Variants in SLC24A3 observed in about 807,000 individuals in gnomAD.
SLC24A3 encodes solute carrier family 24 member 3.
SLC24A3 carries 28 observed loss-of-function variants against 75.8 expected under a neutral mutation model. The observed-to-expected ratio is 0.37, with a 90% CI of 0.27 to 0.51. The LOEUF is 0.51. Ranked by LOEUF, SLC24A3 falls within the 20% of genes least tolerant of loss-of-function variation. The pLI is 0.94. For missense variants in SLC24A3, 663 were observed against 847.8 expected (o/e 0.78, Z 2.71); for synonymous variants, 372 against 334.1 (o/e 1.11, Z -1.24).
At chr20:19,590,378 A>T (rs986113848) in intron 6 of SLC24A3, among the ~76,000 whole-genome samples, 104 of 152,168 alleles carry the variant, frequency 6.8e-4, no homozygotes, top group Middle Eastern at 3.4e-3. Context: ...ACAAAACCCA[A>T]CACACAGCTC....
rs139710763 is a variant in SLC24A3 at position 19,640,406 on chromosome 20, A to C, written c.613-13656A>C. 5.1e-3 allele frequency among the ~76,000 whole-genome samples: 780 copies of C among 152,238 alleles called. 6 individuals are homozygous for C. The highest frequency in any genetic ancestry group is 0.016 in the African/African-American group (679 of 41,548). Reference sequence around the variant, plus strand: ...AGGGGCCAGAGATTTTTTTACTTTTATTTTATACTCAGTTGTCCTGCTTGA... The same window carrying C: ...AGGGGCCAGAGATTTTTTTACTTTTCTTTTATACTCAGTTGTCCTGCTTGA... On this transcript the variant is annotated intron_variant, in intron 6 of 16. Transcript: ENST00000328041.
intron 6 of SLC24A3, among the ~76,000 whole-genome samples, chr20:19,592,859 G>C (rs1002048470): frequency 1.4e-5 from 2 of 141,206 alleles, no homozygotes; most frequent in African/African-American, 2.6e-5. Flanking sequence ...GCAGTGGCAC[G>C]ATCTTGGCTC....
intron 2 of SLC24A3, among the ~76,000 whole-genome samples, chr20:19,325,775 TACATATATATATATATATATAG>T (rs1399152353): frequency 4.8e-5 from 3 of 61,952 alleles, no homozygotes; most frequent in Non-Finnish European, 8.3e-5. Flanking sequence ...CATATATATA[TACATATATATATATATATATAG>T]AGAGAGAGAG....
At chr20:19,688,044 C>T (rs923411065) in intron 12 of SLC24A3, among the ~76,000 whole-genome samples, 4 of 152,166 alleles carry the variant, frequency 2.6e-5, no homozygotes, top group Non-Finnish European at 5.9e-5. Flanking sequence ...TGTGGTCGTA[C>T]CATCCCGTGG....
chr20:19,291,137 G>A (rs556992939), intron 2 of SLC24A3, among the ~76,000 whole-genome samples: 1 of 152,328 alleles, frequency 6.6e-6, no homozygotes, highest in African/African-American at 2.4e-5. Context: ...GTAACAGGGC[G>A]AGGTGCCCCT....
chr20:19,697,820 G>C (rs767369493), intron 14 of SLC24A3, among the ~76,000 whole-genome samples: 3 of 152,154 alleles, frequency 2.0e-5, no homozygotes, highest in African/African-American at 7.2e-5. Context: ...GTGTGAGCTC[G>C]GGAGTCACTT....
intron 2 of SLC24A3, among the ~76,000 whole-genome samples, chr20:19,467,780 C>T (rs1163256921): frequency 4.0e-5 from 6 of 151,714 alleles, no homozygotes; most frequent in African/African-American, 1.2e-4. Flanking sequence ...ACTTGTGAAG[C>T]TGAGGAACGA....
chr20:19,362,989 G>A (rs1985819154), intron 2 of SLC24A3, among the ~76,000 whole-genome samples: 1 of 152,246 alleles, frequency 6.6e-6, no homozygotes, highest in African/African-American at 2.4e-5. Context: ...GGCTTCCCAT[G>A]TGTCGCTGGG....
Position 19,248,515 on chromosome 20 carries a change from G to A in SLC24A3, c.143-32444G>A, listed in dbSNP as rs116367317. On this transcript the variant is annotated intron_variant, in intron 1 of 16. Transcript: ENST00000328041. The stretch of plus-strand genomic sequence containing the variant: ...TTAACAGAACATTTGAAATATTGAC[G>A]TGGAGAAAAGGGAACCCTAGTACCC... Among the ~76,000 whole-genome samples the A allele has an allele frequency of 4.5e-3, 680 of 152,168 alleles. 5 individuals carry two copies. The highest frequency in any genetic ancestry group is 0.013 in the African/African-American group (560 of 41,486).
intron 2 of SLC24A3, among the ~76,000 whole-genome samples, chr20:19,370,137 C>T (rs16980433): frequency 0.059 from 8,959 of 152,172 alleles, 722 homozygotes; most frequent in East Asian, 0.29. Flanking sequence ...ATTCCAAAAT[C>T]GCTGGGTGCA....
chr20:19,305,668 C>T lies in SLC24A3; in HGVS notation c.271+24581C>T, dbSNP rs146941372. Among the ~76,000 whole-genome samples the T allele has an allele frequency of 3.0e-3, 454 of 152,140 alleles. 12 individuals are homozygous for T. Among genetic ancestry groups the T allele is most frequent in the Admixed American group, 0.026 (391 of 15,274 alleles). On this transcript the variant is annotated intron_variant, in intron 2 of 16. Coordinates refer to ENST00000328041, the MANE Select transcript of SLC24A3 (RefSeq NM_020689.4). The stretch of plus-strand genomic sequence containing the variant: ...AGCAATGGGGAAAGGACTCCTTACG[C>T]GATAAACGGTGCTGGGATAAGTGGC...
chr20:19,362,195 A>G (rs1985803049), intron 2 of SLC24A3, among the ~76,000 whole-genome samples: 1 of 152,244 alleles, frequency 6.6e-6, no homozygotes, highest in African/African-American at 2.4e-5. Context: ...CTGGCAACAT[A>G]GACGCAGGAG....
In SLC24A3 at chr20:19,529,523, C is replaced by T. The variant is rs2030257299; in HGVS notation, c.348+13959C>T. Among the ~76,000 whole-genome samples, 4 of 152,328 alleles carry T rather than the reference C, an allele frequency of 2.6e-5. No individual in the cohort carries two copies. In the South Asian group the frequency reaches 8.3e-4, roughly 32 times the overall value. Reference sequence around the variant, plus strand: ...TCCACAAGCATGGCCCTTGATCAGGCCGCTGCCCATGGCAAGAGCTCACTG... The same window carrying T: ...TCCACAAGCATGGCCCTTGATCAGGTCGCTGCCCATGGCAAGAGCTCACTG... On this transcript the variant is annotated intron_variant, in intron 3 of 16. Transcript: ENST00000328041.
intron 2 of SLC24A3, among the ~76,000 whole-genome samples, chr20:19,302,654 T>C (rs1984222287): frequency 6.6e-6 from 1 of 152,362 alleles, no homozygotes; most frequent in Admixed American, 6.5e-5. Context: ...CATATATAAG[T>C]ATGCATAAGC....
Position 19,681,567 on chromosome 20 carries a change from A to T in SLC24A3, c.768-291A>T, listed in dbSNP as rs77060278. Among the ~76,000 whole-genome samples, 569 of 152,318 alleles carry T rather than the reference A, an allele frequency of 3.7e-3. 4 individuals carry two copies. Among genetic ancestry groups the T allele is most frequent in the African/African-American group, 0.013 (551 of 41,564 alleles). ...TGAGAAGGGGAGCTCAATCCCAGAG[A>T]GGCCCCCACTGGCATGAAAGAGGTG... On this transcript the variant is annotated intron_variant, in intron 9 of 16. Coordinates refer to ENST00000328041, the MANE Select transcript of SLC24A3 (RefSeq NM_020689.4).
intron 9 of SLC24A3, among the ~76,000 whole-genome samples, chr20:19,680,205 C>T (rs932705479): frequency 2.0e-5 from 3 of 150,242 alleles, no homozygotes; most frequent in Non-Finnish European, 4.4e-5. Flanking sequence ...TGTGTGTGTG[C>T]ATTTTCCTTG....
At chr20:19,336,144 C>T (rs1568592902) in intron 2 of SLC24A3, among the ~76,000 whole-genome samples, 1 of 152,152 alleles carries the variant, frequency 6.6e-6, no homozygotes, top group Non-Finnish European at 1.5e-5. Context: ...AGTGAGGGCA[C>T]CAGCATTACT....
At chr20:19,448,739 A>G (rs1406583298) in intron 2 of SLC24A3, among the ~76,000 whole-genome samples, 4 of 152,148 alleles carry the variant, frequency 2.6e-5, no homozygotes, top group Admixed American at 1.3e-4. Flanking sequence ...TCCCCTTTGT[A>G]TGGTGTGGAT....
intron 2 of SLC24A3, among the ~76,000 whole-genome samples, chr20:19,345,793 G>A (rs938307464): frequency 4.6e-5 from 7 of 151,942 alleles, no homozygotes; most frequent in Middle Eastern, 3.4e-3. Context: ...AAGAGTAGAC[G>A]TTGGCGTGGA....
Sources: gnomAD v4.1 joint callset for allele counts (sites outside exome capture counted in the v4.1 genomes callset) on GRCh38, gnomAD v4.1.1 for gene constraint, MANE v1.5 for transcripts, NCBI Gene and HGNC (gene_info 2026-07-23, HGNC 2026-07-21) for gene names.